ZSCAN5A: variants seen among roughly 807,000 people sequenced by gnomAD.
ZSCAN5A encodes the protein zinc finger and SCAN domain containing 5A, also known as zinc finger and SCAN domain-containing protein 5A.
In ZSCAN5A, 12 loss-of-function variants were observed where a neutral mutation model predicts 23.7. That is an observed-to-expected ratio of 0.51 (90% CI 0.32 to 0.82). The LOEUF is 0.82. Among genes scored for constraint, ZSCAN5A ranks in the 40% least tolerant of loss-of-function variants. The pLI is 0.03. For synonymous variants in ZSCAN5A, 257 were observed against 239.9 expected (o/e 1.07, Z -0.66); for missense variants, 597 against 617.9 (o/e 0.97, Z 0.36).
rs117622290 is a variant in ZSCAN5A at position 56,348,136 on chromosome 19, T to C, written c.-358+15099A>G. 250 of 152,314 alleles carry C rather than the reference T, an allele frequency of 1.6e-3. 3 individuals are homozygous for C. In the East Asian group the frequency reaches 0.036, roughly 22 times the overall value. The allele number at this position is 152,314 out of a possible 1,614,324, so 9.4% of individuals were successfully genotyped here. A position where few individuals can be genotyped will look rare whatever the true frequency, so the allele number is the denominator to read the frequency against. On this transcript the variant is annotated intron_variant, in intron 2 of 6. Transcript: ENST00000587340. ...TGGGTCCCGGGGCTCAAATCTCGGC[T>C]CCAGCGGTTCAAACTGCCATTATAG...
chr19:56,363,725 G>C (rs985340122), intron 1 of ZSCAN5A, among the ~76,000 whole-genome samples: 1 of 152,212 alleles, frequency 6.6e-6, no homozygotes, highest in African/African-American at 2.4e-5. Context: ...GTGAACATTT[G>C]AACTTGAGAG....
At chr19:56,263,473 G>A (rs956458969) in intron 2 of ZSCAN5A, 4 of 152,180 alleles carry the variant, frequency 2.6e-5, no homozygotes, top group African/African-American at 9.7e-5. Flanking sequence ...CAGGGATGGA[G>A]TTGCAAAGGG....
intron 2 of ZSCAN5A, among the ~76,000 whole-genome samples, chr19:56,273,974 G>A (rs1481395265): frequency 2.6e-5 from 4 of 152,122 alleles, no homozygotes; most frequent in Admixed American, 1.3e-4. Context: ...GTTAGAAAAC[G>A]TTTTGGTCAT....
intron 2 of ZSCAN5A, among the ~76,000 whole-genome samples, chr19:56,260,544 C>CT (rs1454088690): frequency 6.6e-6 from 1 of 151,444 alleles, no homozygotes; most frequent in Non-Finnish European, 1.5e-5. Flanking sequence ...TTTCTTTTTT[C>CT]TTTTTTTTCC....
At chr19:56,293,402 G>T (rs998435190) in intron 2 of ZSCAN5A, among the ~76,000 whole-genome samples, 4 of 152,072 alleles carry the variant, frequency 2.6e-5, no homozygotes, top group Admixed American at 2.6e-4. Context: ...AAGCGGCTCA[G>T]ACTAACGAGG....
In ZSCAN5A at chr19:56,244,179, A is replaced by G. The variant is rs537627662; in HGVS notation, c.-127-19006T>C. ...TGGGACCCTGAGACTTGTCACGTGA[A>G]CTTCAGGATGTTCAGCTGCCCAGAG... On this transcript the variant is annotated intron_variant, in intron 2 of 5. Transcript: ENST00000683990. The G allele has an allele frequency of 6.2e-6, 10 of 1,612,386 alleles. No individual in the cohort carries two copies. In the African/African-American group the frequency reaches 1.3e-4, roughly 22 times the overall value.
At position 56,227,446 on chromosome 19, in the gene ZSCAN5A, T is replaced by C. The variant is rs185731194; in HGVS notation, c.-127-2273A>G. On this transcript the variant is annotated intron_variant, in intron 2 of 5. Transcript: ENST00000683990. The stretch of plus-strand genomic sequence containing the variant: ...GGAGGCAGAGGCGGAGGTGGGAGGA[T>C]CACTTGAGCCCAAGTGTTTGATAAC... 2.0e-4 allele frequency among the ~76,000 whole-genome samples: 30 copies of C among 152,262 alleles called. 1 individual carries two copies. The highest frequency in any genetic ancestry group is 7.0e-4 in the African/African-American group (29 of 41,542).
At chr19:56,355,426 CT>C (rs2041695153) in intron 2 of ZSCAN5A, among the ~76,000 whole-genome samples, 1 of 148,706 alleles carries the variant, frequency 6.7e-6, no homozygotes, top group Non-Finnish European at 1.5e-5. Context: ...ATTTATTTTA[CT>C]GTATACTCCA....
At chr19:56,289,570 T>C (rs1212020099) in intron 2 of ZSCAN5A, among the ~76,000 whole-genome samples, 1 of 152,200 alleles carries the variant, frequency 6.6e-6, no homozygotes, top group African/African-American at 2.4e-5. Flanking sequence ...TGGCACATAG[T>C]TGGACCACAC....
In ZSCAN5A at chr19:56,242,053, C is replaced by T. The variant is rs563700190; in HGVS notation, c.-127-16880G>A. Among the ~76,000 whole-genome samples the T allele has an allele frequency of 1.2e-3, 184 of 152,270 alleles. 1 individual carries two copies. Among genetic ancestry groups the T allele is most frequent in the African/African-American group, 4.2e-3 (173 of 41,580 alleles). On this transcript the variant is annotated intron_variant, in intron 2 of 5. Coordinates refer to ENST00000683990, the MANE Select transcript of ZSCAN5A (RefSeq NM_001322064.3). ...TGATTTCCTTTCCTCTGTGTACCTGCCCCGGAGCGGGATTGCCGGATCATG... is the reference window on the plus strand; with the variant it reads ...TGATTTCCTTTCCTCTGTGTACCTGTCCCGGAGCGGGATTGCCGGATCATG...
At chr19:56,229,787 T>C (rs571515275) in intron 2 of ZSCAN5A, among the ~76,000 whole-genome samples, 2 of 152,188 alleles carry the variant, frequency 1.3e-5, no homozygotes, top group Non-Finnish European at 2.9e-5. Context: ...ATAGTTTTTC[T>C]TGTGGAAATC....
chr19:56,322,633 C>G (rs957570465), intron 2 of ZSCAN5A, among the ~76,000 whole-genome samples: 1 of 152,180 alleles, frequency 6.6e-6, no homozygotes, highest in Non-Finnish European at 1.5e-5. Flanking sequence ...ATCTTGATAT[C>G]TATCTATAGA....
At chr19:56,226,206 C>T (rs538584330) in intron 2 of ZSCAN5A, among the ~76,000 whole-genome samples, 1 of 152,198 alleles carries the variant, frequency 6.6e-6, no homozygotes, top group Non-Finnish European at 1.5e-5. Flanking sequence ...GCCTGGAGGG[C>T]GAGTGCCCCA....
Position 56,360,297 on chromosome 19 carries a change from C to T in ZSCAN5A, c.-358+2938G>A, listed in dbSNP as rs139758429. The stretch of plus-strand genomic sequence containing the variant: ...AACCAAGAACAGACAAGCAGCGAGC[C>T]AAATCATGAATAAATTCTCATTCAC... On this transcript the variant is annotated intron_variant, in intron 2 of 6. Transcript: ENST00000587340. Among the ~76,000 whole-genome samples the T allele has an allele frequency of 2.0e-4, 30 of 152,158 alleles. No homozygotes were observed. The East Asian group carries it at 5.8e-3, about 29-fold the overall frequency.
At chr19:56,275,146 C>T (rs1300777307) in intron 2 of ZSCAN5A, among the ~76,000 whole-genome samples, 2 of 152,184 alleles carry the variant, frequency 1.3e-5, no homozygotes, top group Non-Finnish European at 2.9e-5. Context: ...GGTTTCTCCA[C>T]TGTTAAGTTA....
At chr19:56,247,760 C>T (rs143468136) in intron 2 of ZSCAN5A, among the ~76,000 whole-genome samples, 12,560 of 152,100 alleles carry the variant, frequency 0.083, 619 homozygotes, top group South Asian at 0.18. Flanking sequence ...GGTGCGATCT[C>T]GGCTCACTGC....
At chr19:56,225,817 C>A (rs2033869861) in intron 2 of ZSCAN5A, among the ~76,000 whole-genome samples, 1 of 152,110 alleles carries the variant, frequency 6.6e-6, no homozygotes, top group East Asian at 1.9e-4. Flanking sequence ...TCTCATCAAC[C>A]CAAAAGCAAC....
chr19:56,302,585 T>TTTCTTCCTCCCCCTC (rs2040385840), intron 2 of ZSCAN5A, among the ~76,000 whole-genome samples: 2 of 43,774 alleles, frequency 4.6e-5, no homozygotes, highest in Non-Finnish European at 7.4e-5. Context: ...TCCTCCCCCT[T>TTTCTTCCTCCCCCTC]TTCTTCCTCT....
chr19:56,245,287 C>A (rs2035786166), intron 2 of ZSCAN5A: 3 of 725,624 alleles, frequency 4.1e-6, no homozygotes. Flanking sequence ...TGGCTGAAAT[C>A]CCTGCCAGTG....
Sources: allele counts gnomAD v4.1 joint callset (sites outside exome capture counted in the v4.1 genomes callset), GRCh38; gene constraint gnomAD v4.1.1; transcripts MANE v1.5; gene names NCBI Gene and HGNC (gene_info 2026-07-23, HGNC 2026-07-21).